DOCK2: variants seen among roughly 807,000 people sequenced by gnomAD.
DOCK2 encodes dedicator of cytokinesis protein 2.
A neutral mutation model predicts 248.9 loss-of-function variants in DOCK2; 87 were observed. The observed-to-expected ratio is 0.35, with a 90% CI of 0.29 to 0.42. The LOEUF (loss-of-function observed/expected upper bound fraction) is 0.42, where lower values mean the gene tolerates loss of function less well. Ranked by LOEUF, DOCK2 falls within the 10% of genes least tolerant of loss-of-function variation. DOCK2 has a pLI of 1.00. For missense variants in DOCK2, 1,747 were observed against 2,300.2 expected, an observed-to-expected ratio of 0.76 and a Z score of 4.92; for synonymous variants, 805 against 821.6, an observed-to-expected ratio of 0.98 and a Z score of 0.35.
intron 22 of DOCK2, among the ~76,000 whole-genome samples, chr5:169,739,137 A>G (rs1161614983): frequency 1.3e-5 from 2 of 152,228 alleles, no homozygotes; most frequent in Non-Finnish European, 2.9e-5. Flanking sequence ...GCCTGGGGTT[A>G]ATTATCCTTT....
At chr5:169,824,646 G>T (rs1368162636) in intron 26 of DOCK2, among the ~76,000 whole-genome samples, 2 of 152,204 alleles carry the variant, frequency 1.3e-5, no homozygotes, top group Non-Finnish European at 2.9e-5. Flanking sequence ...AGACTTAAAT[G>T]TTAGACCTAA....
intron 27 of DOCK2, among the ~76,000 whole-genome samples, chr5:169,889,078 C>A (rs1420894780): frequency 3.3e-5 from 5 of 152,166 alleles, no homozygotes; most frequent in Non-Finnish European, 7.3e-5. Context: ...TGAGTCCTTA[C>A]CCCTCCGCTT....
At chr5:169,767,949 T>C (rs1764883864) in intron 25 of DOCK2, among the ~76,000 whole-genome samples, 1 of 152,220 alleles carries the variant, frequency 6.6e-6, no homozygotes, top group Non-Finnish European at 1.5e-5. Flanking sequence ...CAAATTAATC[T>C]CCAAATCTCA....
At chr5:169,657,868 G>T (rs560507021) in intron 2 of DOCK2, among the ~76,000 whole-genome samples, 1 of 152,266 alleles carries the variant, frequency 6.6e-6, no homozygotes, top group East Asian at 1.9e-4. Context: ...AGATGCCCCT[G>T]ACATCATGAT....
chr5:170,012,991 G>C (rs979352035), intron 32 of DOCK2, among the ~76,000 whole-genome samples: 12 of 152,194 alleles, frequency 7.9e-5, no homozygotes, highest in African/African-American at 2.9e-4. Context: ...CCAGGGAGTG[G>C]AGCTATCTAG....
At chr5:169,842,554 T>G (rs555668389) in intron 27 of DOCK2, among the ~76,000 whole-genome samples, 2 of 152,228 alleles carry the variant, frequency 1.3e-5, no homozygotes, top group East Asian at 3.9e-4. Flanking sequence ...GGCAGGGTTT[T>G]ACTACATGTT....
At chr5:169,716,743 G>A (rs1229171443) in intron 20 of DOCK2, among the ~76,000 whole-genome samples, 1 of 151,970 alleles carries the variant, frequency 6.6e-6, no homozygotes, top group Non-Finnish European at 1.5e-5. Context: ...TCATGATGCT[G>A]TACCATCCAG....
chr5:169,867,592 TTATC>T (rs765796084), intron 27 of DOCK2, among the ~76,000 whole-genome samples: 7 of 151,628 alleles, frequency 4.6e-5, no homozygotes, highest in Non-Finnish European at 7.4e-5. Context: ...TCATCTATCG[TTATC>T]TATCCATCTA....
chr5:169,943,330 C>T (rs967758063), intron 27 of DOCK2, among the ~76,000 whole-genome samples: 3 of 152,136 alleles, frequency 2.0e-5, no homozygotes, highest in Non-Finnish European at 4.4e-5. Flanking sequence ...GTTGATCCCA[C>T]CCTGAGATCC....
chr5:169,740,109 A>G (rs897499113), intron 22 of DOCK2, among the ~76,000 whole-genome samples: 4 of 152,264 alleles, frequency 2.6e-5, no homozygotes, highest in Non-Finnish European at 5.9e-5. Context: ...TCTGAATAGA[A>G]TGAAGGATGG....
intron 33 of DOCK2, among the ~76,000 whole-genome samples, chr5:170,026,836 A>G (rs1281617056): frequency 2.0e-5 from 3 of 152,160 alleles, no homozygotes; most frequent in African/African-American, 7.2e-5. Context: ...CTGATCTCTG[A>G]TCATTACCAT....
At chr5:169,692,282 C>G (rs574633191) in intron 9 of DOCK2, among the ~76,000 whole-genome samples, 3 of 152,256 alleles carry the variant, frequency 2.0e-5, no homozygotes, top group African/African-American at 7.2e-5. Context: ...CAAGAGTGAA[C>G]AATAAAAGAA....
intron 25 of DOCK2, among the ~76,000 whole-genome samples, chr5:169,800,219 T>G (rs1766883133): frequency 6.6e-6 from 1 of 152,224 alleles, no homozygotes; most frequent in Non-Finnish European, 1.5e-5. Flanking sequence ...TATAATTTTC[T>G]GTTTCCATAG....
chr5:169,791,505 G>A (rs1766336123), intron 25 of DOCK2, among the ~76,000 whole-genome samples: 1 of 152,232 alleles, frequency 6.6e-6, no homozygotes. Flanking sequence ...TCATTAAACA[G>A]ACCAAGCTAT....
intron 27 of DOCK2, among the ~76,000 whole-genome samples, chr5:169,958,585 C>CTT (rs3079788): frequency 0.38 from 57,466 of 150,868 alleles, 11,090 homozygotes; most frequent in South Asian, 0.5. Context: ...TCCTGGGTTT[C>CTT]TTTTTTTTTG....
intron 2 of DOCK2, among the ~76,000 whole-genome samples, chr5:169,665,983 T>A (rs190177015): frequency 8.0e-4 from 122 of 152,270 alleles, no homozygotes; most frequent in African/African-American, 2.8e-3. Context: ...TTGTAAAAAT[T>A]TTTCCTTTTC....
chr5:169,941,833 C>T (rs903122570), intron 27 of DOCK2, among the ~76,000 whole-genome samples: 1 of 152,166 alleles, frequency 6.6e-6, no homozygotes, highest in Non-Finnish European at 1.5e-5. Context: ...CAGAATAGAA[C>T]CCCACTTCCC....
Position 170,027,909 on chromosome 5 carries a change from G to A in DOCK2, c.3428G>A (p.Gly1143Asp). ...ILKLDHEVEG[G>D]RGDEQYMQLL... ...AAGCTGGACCACGAGGTAGAAGGGG[G>A]CCGAGGCGACGAGCAGTACATGCAG... The change falls in exon 34 of 52, where the codon GGC becomes GAC. Residue 1143 changes from glycine (G) to aspartate (D), a missense_variant. Around this residue, in one of 4 missense-constraint regions of DOCK2, gnomAD observed 858 missense variants for 1,183.5 expected, o/e 0.72. Transcript: ENST00000520908. 6.2e-7 allele frequency: 1 copy of A among 1,613,424 alleles called. No individual in the cohort carries two copies. Among genetic ancestry groups the A allele is most frequent in the Non-Finnish European group, 8.5e-7 (1 of 1,179,594 alleles).
intron 27 of DOCK2, among the ~76,000 whole-genome samples, chr5:169,930,716 C>T (rs1775711523): frequency 6.6e-6 from 1 of 152,212 alleles, no homozygotes; most frequent in Non-Finnish European, 1.5e-5. Context: ...GCTTCTCTCA[C>T]TGCAGTCTAC....
Sources: allele counts gnomAD v4.1 joint callset (sites outside exome capture counted in the v4.1 genomes callset), GRCh38; gene constraint gnomAD v4.1.1; regional missense constraint gnomAD v4.1.1; transcripts MANE v1.5; gene names NCBI Gene and HGNC (gene_info 2026-07-23, HGNC 2026-07-21).